Variants in KIRREL1 observed in about 807,000 individuals in gnomAD.
KIRREL1 encodes kin of IRRE-like protein 1.
A neutral mutation model predicts 83.3 loss-of-function variants in KIRREL1; 25 were observed. That is an observed-to-expected ratio of 0.30 (90% CI 0.22 to 0.42). The LOEUF (loss-of-function observed/expected upper bound fraction) is 0.42. Among genes scored for constraint, KIRREL1 ranks in the 10% least tolerant of loss-of-function variants. The pLI is 1.00. For missense variants in KIRREL1, 812 were observed against 1,032.3 expected (o/e 0.79, Z 2.92); for synonymous variants, 388 against 410.4 (o/e 0.95, Z 0.66).
At chr1:158,030,507 G>T (rs1456655014) in intron 1 of KIRREL1, among the ~76,000 whole-genome samples, 2 of 152,212 alleles carry the variant, frequency 1.3e-5, no homozygotes, top group African/African-American at 2.4e-5. Context: ...AAGTTCTGGA[G>T]TCAGAAGATC....
Position 158,097,235 on chromosome 1 carries a change from C to T in KIRREL1, c.*2115C>T, listed in dbSNP as rs1390073447. 1 of 330,994 alleles carries T rather than the reference C, an allele frequency of 3.0e-6. No individual in the cohort carries two copies. Among genetic ancestry groups the T allele is most frequent in the African/African-American group, 2.2e-5 (1 of 46,110 alleles). The allele number at this position is 330,994 out of a possible 1,614,324, so 20.5% of individuals were successfully genotyped here. On this transcript the variant is annotated 3_prime_UTR_variant, in exon 15 of 15. Transcript: ENST00000359209. ...AGGTTCTTGTACAGACAAATTCATG[C>T]AAATTTCTATTATTTTCACAAAAAC... is the stretch of plus-strand genomic sequence containing the variant.
At chr1:158,065,417 C>T (rs185000046) in intron 1 of KIRREL1, among the ~76,000 whole-genome samples, 1 of 152,184 alleles carries the variant, frequency 6.6e-6, no homozygotes, top group East Asian at 1.9e-4. Flanking sequence ...AGGGAGGTGT[C>T]GTGCCCAGAG....
Position 158,094,867 on chromosome 1 carries a change from C to A in KIRREL1, c.2021C>A (p.Ala674Asp). Residue 674 changes from alanine (A) to aspartate (D), a missense_variant, in exon 15 of 15, where the codon GCT (alanine) becomes GAT (aspartate). Physicochemically the swap from Ala to Asp is moderately radical, Grantham distance 126. Transcript: ENST00000359209. This position sits in a 1 kb window ranked among gnomAD's most constrained non-coding sequence, Gnocchi z 4.6. ...EPTPPGPAAPAGTDTTSQLSY... is the reference protein window; with the variant it reads ...EPTPPGPAAPDGTDTTSQLSY... ...ACACCCCCTGGCCCTGCTGCCCCAGCTGGCACTGACACAACCAGCCAGCTG... is the reference window on the plus strand; with the variant it reads ...ACACCCCCTGGCCCTGCTGCCCCAGATGGCACTGACACAACCAGCCAGCTG... 1 of 1,614,014 alleles carries A rather than the reference C, an allele frequency of 6.2e-7. No homozygotes were observed. The highest frequency in any genetic ancestry group is 1.7e-5 in the Admixed American group (1 of 60,018).
chr1:158,029,177 T>C (rs1450952720), intron 1 of KIRREL1, among the ~76,000 whole-genome samples: 1 of 147,990 alleles, frequency 6.8e-6, no homozygotes, highest in African/African-American at 2.5e-5. Flanking sequence ...AACAGCAAAG[T>C]ATTTACAAGA....
intron 1 of KIRREL1, among the ~76,000 whole-genome samples, chr1:158,058,922 C>T (rs753244956): frequency 4.6e-5 from 7 of 152,104 alleles, no homozygotes; most frequent in Admixed American, 2.0e-4. Context: ...ACGCCGCAGC[C>T]GACATGTCCT....
At chr1:158,018,071 T>A (rs995647962) in intron 1 of KIRREL1, among the ~76,000 whole-genome samples, 2 of 152,184 alleles carry the variant, frequency 1.3e-5, no homozygotes, top group South Asian at 4.2e-4. Flanking sequence ...TAGTGAACAC[T>A]CCCATTGAAG....
chr1:158,007,723 G>C (rs142434134), intron 1 of KIRREL1, among the ~76,000 whole-genome samples: 205 of 152,002 alleles, frequency 1.3e-3, no homozygotes, highest in African/African-American at 4.7e-3. Context: ...TGAGGATAGT[G>C]CACCCTTTAA....
At chr1:158,007,249 G>C (rs1659542928) in intron 1 of KIRREL1, among the ~76,000 whole-genome samples, 1 of 152,188 alleles carries the variant, frequency 6.6e-6, no homozygotes, top group South Asian at 2.1e-4. Flanking sequence ...TTGTGCATCT[G>C]CACAGAAGAA....
At chr1:158,065,725 C>T (rs1661340227) in intron 1 of KIRREL1, among the ~76,000 whole-genome samples, 1 of 152,110 alleles carries the variant, frequency 6.6e-6, no homozygotes, top group Admixed American at 6.5e-5. Context: ...CTTCCATTTC[C>T]CAAAGACGTC....
chr1:158,093,846 C>T, intron 13 of KIRREL1, 84 bp downstream of exon 13: 2 of 1,461,358 alleles, frequency 1.4e-6, no homozygotes, highest in South Asian at 2.4e-5. Context: ...TAACCGCGGT[C>T]ATTCTCTCCT....
chr1:158,056,025 C>G (rs1318898942), intron 1 of KIRREL1, among the ~76,000 whole-genome samples: 1 of 152,214 alleles, frequency 6.6e-6, no homozygotes, highest in African/African-American at 2.4e-5. Context: ...GCCCCATCCC[C>G]CTCCCTCTCT....
intron 1 of KIRREL1, among the ~76,000 whole-genome samples, chr1:158,023,649 G>T (rs1034682527): frequency 2.6e-5 from 4 of 152,128 alleles, no homozygotes; most frequent in African/African-American, 9.7e-5. Flanking sequence ...TACCAGCCTT[G>T]CCATTAATAT....
intron 1 of KIRREL1, among the ~76,000 whole-genome samples, chr1:158,045,125 G>C (rs1213887564): frequency 1.3e-5 from 2 of 152,206 alleles, no homozygotes; most frequent in South Asian, 2.1e-4. Flanking sequence ...TGGTGTGTTT[G>C]AGGAAAAGCC....
chr1:158,000,526 G>A (rs989981461), intron 1 of KIRREL1, among the ~76,000 whole-genome samples: 4 of 152,122 alleles, frequency 2.6e-5, no homozygotes, highest in African/African-American at 4.8e-5. Flanking sequence ...ACCTTCCTAC[G>A]TCTGATTGTC....
intron 1 of KIRREL1, among the ~76,000 whole-genome samples, chr1:158,032,359 G>A (rs1334184511): frequency 1.3e-5 from 2 of 152,066 alleles, no homozygotes; most frequent in Non-Finnish European, 2.9e-5. Flanking sequence ...GTAATGAGAG[G>A]CTGGCTGTGT....
intron 3 of KIRREL1, among the ~76,000 whole-genome samples, chr1:158,082,382 G>T (rs73024664): frequency 7.7e-4 from 117 of 152,034 alleles, no homozygotes; most frequent in African/African-American, 2.7e-3. Flanking sequence ...GGTAAACAAA[G>T]GTGCCAGGAT....
intron 1 of KIRREL1, among the ~76,000 whole-genome samples, chr1:158,015,924 T>A (rs545135603): frequency 7.7e-4 from 118 of 152,338 alleles, no homozygotes; most frequent in South Asian, 3.7e-3. Context: ...ATTGACCGAA[T>A]CTATGTATGC....
At chr1:158,027,132 T>C (rs924903997) in intron 1 of KIRREL1, among the ~76,000 whole-genome samples, 1 of 152,224 alleles carries the variant, frequency 6.6e-6, no homozygotes, top group Non-Finnish European at 1.5e-5. Flanking sequence ...CGCTTCTGAC[T>C]GGCTGGCTAC....
chr1:158,049,900 A>G (rs903052010), intron 1 of KIRREL1, among the ~76,000 whole-genome samples: 4 of 152,156 alleles, frequency 2.6e-5, no homozygotes, highest in South Asian at 2.1e-4. Context: ...AAAGACCCGT[A>G]TTACAGCAAC....
Sources: gnomAD v4.1 joint callset for allele counts (sites outside exome capture counted in the v4.1 genomes callset) on GRCh38, gnomAD v4.1.1 for gene constraint, Gnocchi (gnomAD v3.1) non-coding constraint, MANE v1.5 for transcripts, NCBI Gene and HGNC (gene_info 2026-07-23, HGNC 2026-07-21) for gene names.